ZNF676: variants seen among roughly 807,000 people sequenced by gnomAD.
The protein encoded by ZNF676 is zinc finger protein 676.
ZNF676 carries 4 observed loss-of-function variants against 6.0 expected under a neutral mutation model. The ratio of observed to expected loss-of-function variants is 0.67; its 90% CI spans 0.33 to 1.53. The LOEUF (loss-of-function observed/expected upper bound fraction) is 1.53. Among genes scored for constraint, ZNF676 ranks in the 40% most tolerant of loss-of-function variants. The probability of loss-of-function intolerance (pLI) is 0.06; values close to 1 mark genes in which losing one functional copy is unlikely to be tolerated. For synonymous variants in ZNF676, 198 were observed against 223.1 expected, an observed-to-expected ratio of 0.89 and a Z score of 1.00; for missense variants, 644 against 679.7, an observed-to-expected ratio of 0.95 and a Z score of 0.58.
Position 22,190,668 on chromosome 19 carries a change from T to TATATATATAC in ZNF676, c.130+2347_130+2348insGTATATATAT, listed in dbSNP as rs1233210246. On this transcript the variant is annotated intron_variant, in intron 2 of 2. Coordinates refer to ENST00000397121, the MANE Select transcript of ZNF676 (RefSeq NM_001001411.3). Reference sequence around the variant, plus strand: ...ATATATATATATATATATATATACATACACACTTTAAGATATATGGTCATA... The same window carrying TATATATATAC: ...ATATATATATATATATATATATACATATATATATACACACACTTTAAGATATATGGTCATA... Among the ~76,000 whole-genome samples, 36 of 93,748 alleles carry TATATATATAC rather than the reference T, an allele frequency of 3.8e-4. 1 individual carries two copies. The highest frequency in any genetic ancestry group is 1.3e-3 in the African/African-American group (27 of 21,170). The allele number at this position is 93,748 out of a possible 152,430, so 61.5% of individuals were successfully genotyped here. A position where few individuals can be genotyped will look rare whatever the true frequency, so the allele number is the denominator to read the frequency against.
the ZNF676 span, among the ~76,000 whole-genome samples, chr19:22,233,247 G>A: frequency 6.6e-6 from 1 of 152,154 alleles, no homozygotes. Flanking sequence ...AGGCTCAAGT[G>A]ATCCACCCAT....
intron 1 of ZNF676, among the ~76,000 whole-genome samples, chr19:22,193,496 G>A (rs537450249): frequency 6.6e-6 from 1 of 152,088 alleles, no homozygotes; most frequent in African/African-American, 2.4e-5. Flanking sequence ...TCCTACTGCC[G>A]CTGTCTCCTT....
intron 2 of ZNF676, among the ~76,000 whole-genome samples, chr19:22,189,573 G>A (rs1047304297): frequency 2.6e-5 from 4 of 152,072 alleles, no homozygotes; most frequent in African/African-American, 4.8e-5. Context: ...TATCATCAGA[G>A]TGAACAGGCA....
At chr19:22,187,554 C>CA (rs895209516) in intron 2 of ZNF676, among the ~76,000 whole-genome samples, 10 of 148,722 alleles carry the variant, frequency 6.7e-5, no homozygotes, top group Admixed American at 2.0e-4. Context: ...AAAAACCCTT[C>CA]AAAAAAATCA....
chr19:22,208,510 C>A (rs1426962159), intron 1 of ZNF676, among the ~76,000 whole-genome samples: 1 of 152,170 alleles, frequency 6.6e-6, no homozygotes, highest in Non-Finnish European at 1.5e-5. Context: ...ACCCAGTAAC[C>A]TCACAACGGG....
At chr19:22,210,921 A>C (rs890259388) in intron 1 of ZNF676, among the ~76,000 whole-genome samples, 2 of 152,116 alleles carry the variant, frequency 1.3e-5, no homozygotes, top group Non-Finnish European at 2.9e-5. Context: ...TCAGGGTAAA[A>C]CATTCTCTGA....
At chr19:22,247,489 G>A in the ZNF676 span, among the ~76,000 whole-genome samples, 6 of 152,040 alleles carry the variant, frequency 3.9e-5, no homozygotes, top group Non-Finnish European at 7.4e-5. Context: ...ACTTGAACAC[G>A]GGAGGCAGAG....
rs151146752 is a variant in ZNF676, at chr19:22,213,738, A to G, written c.3+1894T>C. ...TATGGGAGATGAGAGGCTACACTCC[A>G]TATCTCTGGTTGTCTTATGGGAGAA... On this transcript the variant is annotated intron_variant, in intron 1 of 3. Coordinates refer to the ZNF676 transcript ENST00000650058. Among the ~76,000 whole-genome samples, 610 of 152,250 alleles carry G rather than the reference A, an allele frequency of 4.0e-3. 5 individuals are homozygous for G. Among genetic ancestry groups the G allele is most frequent in the African/African-American group, 0.014 (575 of 41,518 alleles).
upstream of ZNF676, among the ~76,000 whole-genome samples, chr19:22,198,386 C>T (rs1484269805): frequency 6.6e-6 from 1 of 152,082 alleles, no homozygotes; most frequent in Non-Finnish European, 1.5e-5. Context: ...TTTTTTAAAG[C>T]AGTTAAGACA....
At chr19:22,200,320 A>T (rs2024011964), upstream of ZNF676, among the ~76,000 whole-genome samples, 1 of 152,068 alleles carries the variant, frequency 6.6e-6, no homozygotes. Context: ...AATAATAATA[A>T]CAACTCTTCC....
chr19:22,228,452 G>A, the ZNF676 span, among the ~76,000 whole-genome samples: 1 of 152,182 alleles, frequency 6.6e-6, no homozygotes, highest in African/African-American at 2.4e-5. Context: ...CACAAGACAA[G>A]GATGCCCTCT....
At chr19:22,242,855 C>T in the ZNF676 span, among the ~76,000 whole-genome samples, 1 of 151,554 alleles carries the variant, frequency 6.6e-6, no homozygotes, top group Non-Finnish European at 1.5e-5. Context: ...GGGGGGGGCT[C>T]TCATGAGAAG....
chr19:22,258,259 A>T, the ZNF676 span, among the ~76,000 whole-genome samples: 1 of 152,154 alleles, frequency 6.6e-6, no homozygotes. Context: ...GAAGAGTCAC[A>T]TCAAATAGTT....
the ZNF676 span, among the ~76,000 whole-genome samples, chr19:22,229,194 C>A: frequency 4.6e-5 from 7 of 152,046 alleles, no homozygotes; most frequent in African/African-American, 1.4e-4. Context: ...AGAAATAACA[C>A]CACACATCTA....
At chr19:22,215,927 AAG>A (rs1249158054), upstream of ZNF676, among the ~76,000 whole-genome samples, 7 of 152,136 alleles carry the variant, frequency 4.6e-5, no homozygotes, top group Non-Finnish European at 1.0e-4. Flanking sequence ...TGAATGAAGA[AAG>A]AGAGCCAACG....
chr19:22,240,232 C>T, the ZNF676 span, among the ~76,000 whole-genome samples: 3 of 149,894 alleles, frequency 2.0e-5, no homozygotes, highest in African/African-American at 7.6e-5. Flanking sequence ...AGCCACAGCA[C>T]CTGTGTGCTG....
chr19:22,232,925 A>T, the ZNF676 span, among the ~76,000 whole-genome samples: 2 of 152,200 alleles, frequency 1.3e-5, no homozygotes, highest in African/African-American at 2.4e-5. Flanking sequence ...TTGAAGAAAT[A>T]GACACAGCAA....
At chr19:22,237,795 C>T in the ZNF676 span, among the ~76,000 whole-genome samples, 2 of 152,202 alleles carry the variant, frequency 1.3e-5, no homozygotes, top group African/African-American at 2.4e-5. Flanking sequence ...CTAGCTTCAT[C>T]AGGGTCCTCC....
intron 2 of ZNF676, among the ~76,000 whole-genome samples, chr19:22,185,795 CA>C (rs2023830384): frequency 6.6e-6 from 1 of 152,018 alleles, no homozygotes; most frequent in African/African-American, 2.4e-5. Flanking sequence ...GATTGAAGAT[CA>C]GCTTAATGAA....
Sources: allele counts gnomAD v4.1 joint callset (sites outside exome capture counted in the v4.1 genomes callset), GRCh38; gene constraint gnomAD v4.1.1; transcripts MANE v1.5; gene names NCBI Gene and HGNC (gene_info 2026-07-23, HGNC 2026-07-21).